Variants in NXPE2 observed in about 807,000 individuals in gnomAD.
NXPE2 encodes the protein neurexophilin and PC-esterase domain family member 2.
A neutral mutation model predicts 34.4 loss-of-function variants in NXPE2; 34 were observed. That is an observed-to-expected ratio of 0.99 (90% confidence interval 0.75 to 1.31). The LOEUF is 1.31. Ranked by LOEUF, NXPE2 falls within the 40% of genes most tolerant of loss-of-function variation. NXPE2 has a pLI of 0.00. For missense variants in NXPE2, 649 were observed against 672.5 expected (o/e 0.97, Z 0.39); for synonymous variants, 235 against 231.3 (o/e 1.02, Z -0.15).
the NXPE2 span, among the ~76,000 whole-genome samples, chr11:114,810,594 T>C: frequency 1.3e-4 from 19 of 151,828 alleles, no homozygotes; most frequent in Admixed American, 2.6e-4. Context: ...AAAATGCTCA[T>C]CATCACTGGC....
chr11:114,563,675 A>C, the NXPE2 span, among the ~76,000 whole-genome samples: 3 of 152,226 alleles, frequency 2.0e-5, no homozygotes, highest in Admixed American at 6.5e-5. Context: ...TGAATAGACA[A>C]TTCTCAAAAG....
At chr11:114,791,015 A>G in the NXPE2 span, among the ~76,000 whole-genome samples, 3 of 151,666 alleles carry the variant, frequency 2.0e-5, no homozygotes, top group African/African-American at 4.8e-5. Context: ...GAAGGCAGAG[A>G]GAGTTTCACA....
At chr11:114,482,878 G>GT in the NXPE2 span, among the ~76,000 whole-genome samples, 1 of 151,918 alleles carries the variant, frequency 6.6e-6, no homozygotes, top group East Asian at 1.9e-4. Flanking sequence ...AATCCACAGA[G>GT]TTTTTTTTCA....
At chr11:114,503,511 TA>T in the NXPE2 span, among the ~76,000 whole-genome samples, 1 of 151,958 alleles carries the variant, frequency 6.6e-6, no homozygotes, top group African/African-American at 2.4e-5. Flanking sequence ...AGAGAACAAG[TA>T]GGATCTTTTT....
the NXPE2 span, among the ~76,000 whole-genome samples, chr11:114,716,132 C>G: frequency 2.4e-4 from 36 of 152,294 alleles, no homozygotes; most frequent in East Asian, 5.6e-3. Flanking sequence ...TCCATGTACC[C>G]CCTCGGTTTT....
the NXPE2 span, chr11:114,527,786 T>A: frequency 8.1e-7 from 1 of 1,241,358 alleles, no homozygotes; most frequent in Non-Finnish European, 1.1e-6. Flanking sequence ...TTTAGGTTAA[T>A]GCTGATAAAA....
chr11:114,725,921 G>A, the NXPE2 span, among the ~76,000 whole-genome samples: 26 of 144,444 alleles, frequency 1.8e-4, no homozygotes, highest in Admixed American at 5.0e-4. Context: ...GGTCCCTCTG[G>A]ACAGAGAGAT....
At chr11:114,532,072 C>T in the NXPE2 span, among the ~76,000 whole-genome samples, 88 of 152,230 alleles carry the variant, frequency 5.8e-4, no homozygotes, top group African/African-American at 2.1e-3. Flanking sequence ...AGTTGTCATC[C>T]CCTCTCACAC....
intron 1 of NXPE2, among the ~76,000 whole-genome samples, chr11:114,678,964 C>G (rs1950897764): frequency 6.6e-6 from 1 of 150,466 alleles, no homozygotes. Flanking sequence ...ACTATGGGTC[C>G]TGGTCAAAAA....
At chr11:114,568,732 C>T in the NXPE2 span, among the ~76,000 whole-genome samples, 2 of 152,274 alleles carry the variant, frequency 1.3e-5, no homozygotes, top group South Asian at 4.1e-4. Flanking sequence ...TTCAATGCTT[C>T]TCTTCTGAGA....
At chr11:114,748,990 A>G in the NXPE2 span, among the ~76,000 whole-genome samples, 1 of 152,310 alleles carries the variant, frequency 6.6e-6, no homozygotes, top group South Asian at 2.1e-4. Flanking sequence ...ATAGGCTTCT[A>G]TGTCCGTTTG....
At chr11:114,624,745 C>A in the NXPE2 span, among the ~76,000 whole-genome samples, 2 of 152,068 alleles carry the variant, frequency 1.3e-5, no homozygotes, top group Non-Finnish European at 2.9e-5. Context: ...TCCAGGGTAA[C>A]CACTGTTACC....
the NXPE2 span, among the ~76,000 whole-genome samples, chr11:114,593,241 C>T: frequency 6.6e-6 from 1 of 152,122 alleles, no homozygotes; most frequent in African/African-American, 2.4e-5. Flanking sequence ...AAGAGTTAAC[C>T]TACAGAATGG....
the NXPE2 span, among the ~76,000 whole-genome samples, chr11:114,716,683 C>T: frequency 7.2e-5 from 11 of 152,174 alleles, no homozygotes; most frequent in East Asian, 1.9e-4. Flanking sequence ...GTGACCTCAA[C>T]GTTGCACATT....
the NXPE2 span, among the ~76,000 whole-genome samples, chr11:114,713,287 A>C: frequency 1.3e-5 from 2 of 152,230 alleles, no homozygotes; most frequent in African/African-American, 4.8e-5. Context: ...AAAATGGTTA[A>C]GAGGATAATG....
chr11:114,746,857 A>T, the NXPE2 span, among the ~76,000 whole-genome samples: 1 of 144,974 alleles, frequency 6.9e-6, no homozygotes, highest in African/African-American at 2.6e-5. Context: ...TCTCAAAAAC[A>T]AACAAACAAA....
the NXPE2 span, among the ~76,000 whole-genome samples, chr11:114,649,757 G>A: frequency 6.6e-6 from 1 of 152,102 alleles, no homozygotes; most frequent in Non-Finnish European, 1.5e-5. Context: ...TGCCTTTTTT[G>A]ACTCACAAAA....
the NXPE2 span, among the ~76,000 whole-genome samples, chr11:114,651,808 A>T: frequency 6.6e-6 from 1 of 152,192 alleles, no homozygotes; most frequent in Non-Finnish European, 1.5e-5. Flanking sequence ...CAGAGTGCTG[A>T]TTGGTGCATT....
chr11:114,706,400 A>G lies in NXPE2; in HGVS notation c.1150A>G (p.Lys384Glu), dbSNP rs1451665213. Residue 384 changes from lysine to glutamate, a missense_variant, in exon 6 of 6, where the codon AAA becomes GAA. Physicochemically the swap from Lys to Glu is moderately conservative, Grantham distance 56. Coordinates refer to ENST00000389586, the MANE Select transcript of NXPE2 (RefSeq NM_182495.6). ...ATTGATTTGTCTTTCATCAGCCCTA[A>G]AATATTTTGATCATCATGGAGCTGG... ...YYLQKAVKTL[K>E]YFDHHGAGIF... 1 of 1,529,826 alleles carries G rather than the reference A, an allele frequency of 6.5e-7. No homozygotes were observed. The highest frequency in any genetic ancestry group is 8.8e-7 in the Non-Finnish European group (1 of 1,137,860). The allele number at this position is 1,529,826 out of a possible 1,614,324, so 94.8% of individuals were successfully genotyped here.
Sources: allele counts gnomAD v4.1 joint callset (sites outside exome capture counted in the v4.1 genomes callset), GRCh38; gene constraint gnomAD v4.1.1; transcripts MANE v1.5; gene names NCBI Gene and HGNC (gene_info 2026-07-23, HGNC 2026-07-21).